Variants in SETD1B observed in about 807,000 individuals in gnomAD.
SETD1B encodes the protein histone-lysine N-methyltransferase SETD1B.
A neutral mutation model predicts 148.0 loss-of-function variants in SETD1B; 7 were observed. That is an observed-to-expected ratio of 0.05 (90% CI 0.03 to 0.09). The LOEUF (loss-of-function observed/expected upper bound fraction) is 0.09. SETD1B is among the 10% of genes least tolerant of loss of function. The pLI is 1.00. For missense variants in SETD1B, 2,155 were observed against 2,729.9 expected (o/e 0.79, Z 4.69); for synonymous variants, 1,361 against 1,186.5 (o/e 1.15, Z -3.02).
At chr12:121,802,245 CAA>C (rs1287995563), upstream of SETD1B, 1 of 152,160 alleles carries the variant, frequency 6.6e-6, no homozygotes, top group Non-Finnish European at 1.5e-5. Context: ...TTATATTAGA[CAA>C]GAGAGACAAA....
rs1421920229 is a variant in SETD1B at position 121,830,990 on chromosome 12, C to G, written c.*751C>G. The G allele has an allele frequency of 2.0e-5, 3 of 152,468 alleles. No individual in the cohort carries two copies. The highest frequency in any genetic ancestry group is 7.2e-5 in the African/African-American group (3 of 41,476). 9.4% of individuals were successfully genotyped at this position (152,468 alleles called of 1,614,324 possible). A position where few individuals can be genotyped will look rare whatever the true frequency, so the allele number is the denominator to read the frequency against. On this transcript the variant is annotated 3_prime_UTR_variant, in exon 17 of 17. Coordinates refer to ENST00000604567, the MANE Select transcript of SETD1B (RefSeq NM_001353345.2). This position sits in a 1 kb window ranked among gnomAD's most constrained non-coding sequence, Gnocchi z 5.7. ...GGTCTCCGCTCTGGGCTTTCCCTGC[C>G]ACCTCACACCCCAGCACCCCCTAAA...
chr12:121,810,222 G>A lies in SETD1B; in HGVS notation c.1277G>A (p.Gly426Glu), dbSNP rs1051729816. 1.9e-6 allele frequency: 3 copies of A among 1,548,910 alleles called. No individual in the cohort carries two copies. The highest frequency in any genetic ancestry group is 2.7e-5 in the African/African-American group (2 of 73,016). ...ATAAFGARDS[G>E]EFRRAPAPPP... ...GCCGCTTTTGGGGCCCGCGACAGTG[G>A]GGAGTTCCGGAGGGCACCGGCGCCC... The change falls in exon 6 of 17, where the codon GGG becomes GAG. Residue 426 changes from glycine to glutamate, a missense_variant. Physicochemically the swap from Gly to Glu is moderately conservative, Grantham distance 98. This residue lies in a region of SETD1B where 376 missense variants were observed against 385.0 expected (regional missense o/e 0.98). Transcript: ENST00000604567. The surrounding 1 kb of genome is among the most constrained non-coding windows in gnomAD (Gnocchi z 7.6).
Position 121,810,907 on chromosome 12 carries a change from A to T in SETD1B, c.1890+72A>T. On this transcript the variant is annotated intron_variant, in intron 6 of 16. Coordinates refer to ENST00000604567, the MANE Select transcript of SETD1B (RefSeq NM_001353345.2). The surrounding 1 kb of genome is among the most constrained non-coding windows in gnomAD (Gnocchi z 7.6). The stretch of plus-strand genomic sequence containing the variant: ...TGTATCTCCCTTTCCCCCTTCAAGC[A>T]TTTAGCATGACTAGCTAAGATGCGG... The T allele has an allele frequency of 6.3e-6, 9 of 1,431,634 alleles. No homozygotes were observed. Among genetic ancestry groups the T allele is most frequent in the Non-Finnish European group, 8.3e-6 (9 of 1,084,236 alleles). 88.7% of individuals were successfully genotyped at this position (1,431,634 alleles called of 1,614,324 possible).
At chr12:121,799,740 G>GGGGGGGGGT (rs1566540807), upstream of SETD1B, 2 of 109,008 alleles carry the variant, frequency 1.8e-5, no homozygotes, top group African/African-American at 3.1e-5. Context: ...GTGGGGTGGG[G>GGGGGGGGGT]CGGGGCCGCA....
In SETD1B at chr12:121,825,326, G is replaced by A; in HGVS notation, c.5297G>A (p.Ser1766Asn). ...DKKDKLRYLN[S>N]SRASTDEPPA... ...AAGGACAAGCTCAGATACCTCAACAGCAGCCGTGCCAGCACCGATGAGCCC... is the reference window on the plus strand; with the variant it reads ...AAGGACAAGCTCAGATACCTCAACAACAGCCGTGCCAGCACCGATGAGCCC... Residue 1766 changes from serine to asparagine, a missense_variant, in exon 13 of 17, where the codon AGC (serine) becomes AAC (asparagine). By Grantham distance (46) the Ser-to-Asn change is conservative. Around this residue, in one of 11 missense-constraint regions of SETD1B, gnomAD observed 96 missense variants for 148.7 expected, o/e 0.65. Coordinates refer to ENST00000604567, the MANE Select transcript of SETD1B (RefSeq NM_001353345.2). The A allele has an allele frequency of 6.4e-7, 1 of 1,551,446 alleles. No individual in the cohort carries two copies. Among genetic ancestry groups the A allele is most frequent in the Non-Finnish European group, 8.7e-7 (1 of 1,147,052 alleles).
rs1046797913 is a variant in SETD1B at position 121,818,048 on chromosome 12, C to A, written c.3418+144C>A. 70 of 783,128 alleles carry A rather than the reference C, an allele frequency of 8.9e-5. No individual in the cohort carries two copies. The East Asian group carries it at 2.0e-3, about 22-fold the overall frequency. The allele number at this position is 783,128 out of a possible 1,614,324, so 48.5% of individuals were successfully genotyped here. A position where few individuals can be genotyped will look rare whatever the true frequency, so the allele number is the denominator to read the frequency against. The stretch of plus-strand genomic sequence containing the variant: ...TTGTTAAAACACACACACAGGGTGG[C>A]GTACGGTTCCATCTTCAGGGAGTGC... On this transcript the variant is annotated intron_variant, in intron 10 of 16. Coordinates refer to ENST00000604567, the MANE Select transcript of SETD1B (RefSeq NM_001353345.2).
chr12:121,812,442 C>T (rs1365882184), intron 6 of SETD1B, among the ~76,000 whole-genome samples: 1 of 144,556 alleles, frequency 6.9e-6, no homozygotes, highest in Non-Finnish European at 1.5e-5. Flanking sequence ...CACAGGACCT[C>T]AGCTTAAGTG....
the SETD1B span, among the ~76,000 whole-genome samples, chr12:121,796,907 A>G: frequency 0.78 from 118,299 of 151,954 alleles, 46,759 homozygotes; most frequent in East Asian, 0.98. Flanking sequence ...GCGTGGTGGC[A>G]CATGCCTGTA....
chr12:121,823,559 C>T lies in SETD1B; in HGVS notation c.4980C>T (p.Pro1660=), dbSNP rs773763334. The stretch of plus-strand genomic sequence containing the variant: ...ACCTGGTGCCACCTGCGGGCTCGCC[C>T]GAACTCTCGCCACCCCAGCCCCTCT... ...HEDLVPPAGS[P]ELSPPQPLFR... Residue 1660 remains proline, a synonymous_variant, in exon 12 of 17, where the codon CCC becomes CCT. Coordinates refer to ENST00000604567, the MANE Select transcript of SETD1B (RefSeq NM_001353345.2). The T allele has an allele frequency of 2.6e-5, 41 of 1,551,096 alleles. No homozygotes were observed. The highest frequency in any genetic ancestry group is 2.0e-4 in the South Asian group (17 of 84,056).
At chr12:121,800,661 C>T (rs1875297814), upstream of SETD1B, 2 of 149,734 alleles carry the variant, frequency 1.3e-5, no homozygotes, top group Non-Finnish European at 3.0e-5. Context: ...TCCTCCCGCC[C>T]GGCGCGCGGC....
Position 121,817,729 on chromosome 12 carries a change from A to AGGGGGCCGGGCCAGGCGAC in SETD1B, c.3312+27_3312+45dup. 3.2e-6 allele frequency: 5 copies of AGGGGGCCGGGCCAGGCGAC among 1,538,686 alleles called. No homozygotes were observed. The highest frequency in any genetic ancestry group is 4.4e-6 in the Non-Finnish European group (5 of 1,137,628). On this transcript the variant is annotated intron_variant, in intron 9 of 16. Coordinates refer to ENST00000604567, the MANE Select transcript of SETD1B (RefSeq NM_001353345.2). The surrounding 1 kb of genome is among the most constrained non-coding windows in gnomAD (Gnocchi z 8.1). ...GGTGCCTAGCAGGCCAGGAAGCCTC[A>AGGGGGCCGGGCCAGGCGAC]GGGGGCCGGGCCAGGCGACGAGGGC...
In SETD1B at chr12:121,809,827, C is replaced by T. The variant is rs1379441658; in HGVS notation, c.882C>T (p.Pro294=). ...ACTCCAGCTACTCCAGCCGCCAGCC[C>T]ACACCCTCATACCTCTTCAGCCAGG... The part of the protein sequence containing the change: ...SQDSSYSSRQ[P]TPSYLFSQDP... Residue 294 remains proline (P), a synonymous_variant, in exon 6 of 17, where the codon CCC becomes CCT. Coordinates refer to ENST00000604567, the MANE Select transcript of SETD1B (RefSeq NM_001353345.2). The T allele has an allele frequency of 6.4e-7, 1 of 1,551,576 alleles. No homozygotes were observed. The highest frequency in any genetic ancestry group is 8.7e-7 in the Non-Finnish European group (1 of 1,146,988).
intron 12 of SETD1B, among the ~76,000 whole-genome samples, chr12:121,824,747 AGTT>A (rs1233157424): frequency 1.3e-5 from 2 of 151,920 alleles, no homozygotes; most frequent in Admixed American, 6.6e-5. Flanking sequence ...CTGAGCAGAA[AGTT>A]GTTAAAACAC....
rs1172937520 is a variant in SETD1B, at chr12:121,823,252, C to T, written c.4673C>T (p.Thr1558Ile). 2.6e-6 allele frequency: 4 copies of T among 1,549,812 alleles called. No individual in the cohort carries two copies. The highest frequency in any genetic ancestry group is 3.5e-6 in the Non-Finnish European group (4 of 1,146,892). ...ELLLLPGQPQ[T>I]PVFPSTHDPR... ...CTGCTCCTGCCGGGCCAGCCACAGA[C>T]CCCCGTCTTCCCCAGCACCCATGAC... Residue 1558 changes from threonine to isoleucine, a missense_variant, in exon 12 of 17, where the codon ACC (threonine) becomes ATC (isoleucine). Around this residue, in one of 11 missense-constraint regions of SETD1B, gnomAD observed 862 missense variants for 873.8 expected, o/e 0.99. Coordinates refer to ENST00000604567, the MANE Select transcript of SETD1B (RefSeq NM_001353345.2).
At chr12:121,828,092 G>A (rs1052455577) in intron 16 of SETD1B, 22 bp downstream of exon 16, 3 of 1,549,702 alleles carry the variant, frequency 1.9e-6, no homozygotes, top group Non-Finnish European at 2.6e-6. Flanking sequence ...GCGGGGGGTG[G>A]CCCCTGCCCC....
At chr12:121,792,014 C>A in the SETD1B span, among the ~76,000 whole-genome samples, 2 of 152,256 alleles carry the variant, frequency 1.3e-5, no homozygotes, top group Non-Finnish European at 2.9e-5. Context: ...GAGACAGGCG[C>A]TGTTTTGGGG....
rs764988800 is a variant in SETD1B at position 121,808,581 on chromosome 12, A to G, written c.657+261A>G. Among the ~76,000 whole-genome samples the G allele has an allele frequency of 6.6e-6, 1 of 152,208 alleles. No homozygotes were observed. Among genetic ancestry groups the G allele is most frequent in the Non-Finnish European group, 1.5e-5 (1 of 68,040 alleles). On this transcript the variant is annotated intron_variant, in intron 5 of 16. Transcript: ENST00000604567. The surrounding 1 kb of genome is among the most constrained non-coding windows in gnomAD (Gnocchi z 5.3). ...GTTTCCTGTGGCTTCTCCCCTCCCC[A>G]GCACAGGCTGTGATTCCCACAGACC...
At position 121,805,792 on chromosome 12, in the gene SETD1B, T is replaced by G. The variant is rs1211946850; in HGVS notation, c.274-43T>G. The G allele has an allele frequency of 1.3e-6, 2 of 1,531,130 alleles. No homozygotes were observed. The highest frequency in any genetic ancestry group is 1.8e-6 in the Non-Finnish European group (2 of 1,135,010). The allele number at this position is 1,531,130 out of a possible 1,614,324, so 94.8% of individuals were successfully genotyped here. On this transcript the variant is annotated intron_variant, in intron 3 of 16. Coordinates refer to ENST00000604567, the MANE Select transcript of SETD1B (RefSeq NM_001353345.2). The surrounding 1 kb of genome is among the most constrained non-coding windows in gnomAD (Gnocchi z 4.2). ...GGGGGATGTTGTGTTTTCCCTTAGG[T>G]TTAAACGTTCTTCAAACTCCCTTCC...
intron 16 of SETD1B, 21 bp downstream of exon 16, chr12:121,828,091 GGCCCCTGCCCCTGCTCCT>G (rs1566561479): frequency 1.9e-6 from 3 of 1,550,814 alleles, no homozygotes; most frequent in Middle Eastern, 3.3e-4. Context: ...AGCGGGGGGT[GGCCCCTGCCCCTGCTCCT>G]GCCCCTGGCC....
Sources: gnomAD v4.1 joint callset for allele counts (sites outside exome capture counted in the v4.1 genomes callset) on GRCh38, gnomAD v4.1.1 for gene constraint, gnomAD v4.1.1 regional missense constraint, Gnocchi (gnomAD v3.1) non-coding constraint, MANE v1.5 for transcripts, NCBI Gene and HGNC (gene_info 2026-07-23, HGNC 2026-07-21) for gene names.